Variants in RIMS2 observed in about 807,000 individuals in gnomAD.
The protein encoded by RIMS2 is regulating synaptic membrane exocytosis protein 2.
A neutral mutation model predicts 174.4 loss-of-function variants in RIMS2; 59 were observed. The observed-to-expected ratio is 0.34, with a 90% confidence interval of 0.27 to 0.42. The LOEUF (loss-of-function observed/expected upper bound fraction) is 0.42, where lower values mean the gene tolerates loss of function less well. RIMS2 is among the 10% of genes least tolerant of loss of function. The probability of loss-of-function intolerance (pLI) is 1.00; values close to 1 mark genes in which losing one functional copy is unlikely to be tolerated. For synonymous variants in RIMS2, 606 were observed against 572.5 expected (o/e 1.06, Z -0.84); for missense variants, 1,620 against 1,666.3 (o/e 0.97, Z 0.48).
chr8:103,891,284 G>A lies in RIMS2; in HGVS notation c.1624+5061G>A, dbSNP rs556308343. Among the ~76,000 whole-genome samples the A allele has an allele frequency of 2.1e-4, 32 of 152,088 alleles. No individual in the cohort carries two copies. In the South Asian group the frequency reaches 5.0e-3, roughly 24 times the overall value. ...TGTAAAATATATATTTCTTTCTGTAGATTATGGCCAAAAATGTTTTAAAGT... is the reference window on the plus strand; with the variant it reads ...TGTAAAATATATATTTCTTTCTGTAAATTATGGCCAAAAATGTTTTAAAGT... On this transcript the variant is annotated intron_variant, in intron 4 of 23. Coordinates refer to ENST00000504942, the Ensembl canonical transcript of RIMS2.
chr8:103,906,348 G>C (rs540535097), intron 4 of RIMS2, among the ~76,000 whole-genome samples: 1 of 152,082 alleles, frequency 6.6e-6, no homozygotes, highest in Non-Finnish European at 1.5e-5. Context: ...GGGTTCAAAT[G>C]ATTCTCTTGC....
chr8:104,076,604 C>T (rs2097297230), intron 19 of RIMS2, among the ~76,000 whole-genome samples: 1 of 152,052 alleles, frequency 6.6e-6, no homozygotes, highest in South Asian at 2.1e-4. Flanking sequence ...GTTTGATAAT[C>T]ACTCTTCAAT....
chr8:104,054,417 C>G (rs531154494), intron 19 of RIMS2, among the ~76,000 whole-genome samples: 1 of 152,080 alleles, frequency 6.6e-6, no homozygotes, highest in Non-Finnish European at 1.5e-5. Flanking sequence ...ATCCATATAT[C>G]TAAATATTTC....
intron 2 of RIMS2, among the ~76,000 whole-genome samples, chr8:103,708,357 C>T (rs2097259618): frequency 6.6e-6 from 1 of 152,172 alleles, no homozygotes; most frequent in Non-Finnish European, 1.5e-5. Flanking sequence ...CCACTCTAAG[C>T]ATATATTCTT....
intron 1 of RIMS2, among the ~76,000 whole-genome samples, chr8:103,512,476 G>A (rs1169025912): frequency 6.6e-6 from 1 of 152,152 alleles, no homozygotes; most frequent in Non-Finnish European, 1.5e-5. Context: ...CTGGGACACA[G>A]GTTAGTGGAG....
At chr8:103,796,941 G>A (rs1385032035) in intron 3 of RIMS2, among the ~76,000 whole-genome samples, 1 of 152,096 alleles carries the variant, frequency 6.6e-6, no homozygotes, top group Non-Finnish European at 1.5e-5. Context: ...CAAGTGCTGT[G>A]GAGGAAGATA....
At chr8:103,772,445 A>G (rs6987298) in intron 3 of RIMS2, among the ~76,000 whole-genome samples, 17,271 of 152,088 alleles carry the variant, frequency 0.11, 1,319 homozygotes, top group African/African-American at 0.22. Flanking sequence ...GTACTTAGTT[A>G]TAAATCTAAC....
chr8:103,675,006 G>T (rs910986626), intron 1 of RIMS2, among the ~76,000 whole-genome samples: 27 of 152,136 alleles, frequency 1.8e-4, no homozygotes, highest in Admixed American at 3.3e-4. Flanking sequence ...CTACTGAAAA[G>T]ATTAAATGAT....
intron 17 of RIMS2, among the ~76,000 whole-genome samples, chr8:103,995,104 A>G (rs1397420914): frequency 6.6e-6 from 1 of 152,054 alleles, no homozygotes; most frequent in Non-Finnish European, 1.5e-5. Flanking sequence ...TTCCTTACAT[A>G]GGCTCATAAT....
intron 3 of RIMS2, among the ~76,000 whole-genome samples, chr8:103,851,119 A>G (rs1033427640): frequency 6.6e-6 from 1 of 151,966 alleles, no homozygotes; most frequent in Admixed American, 6.6e-5. Flanking sequence ...GAGAACAACT[A>G]TTAATATTTA....
chr8:104,009,376 C>G (rs2095686334), intron 17 of RIMS2, among the ~76,000 whole-genome samples: 2 of 151,922 alleles, frequency 1.3e-5, no homozygotes, highest in Non-Finnish European at 2.9e-5. Flanking sequence ...TCACTGCAGC[C>G]TCGACCTCCT....
At chr8:104,068,401 T>A (rs1484040821) in intron 19 of RIMS2, 111 bp from the exon 23 acceptor site, 1 of 538,064 alleles carries the variant, frequency 1.9e-6, no homozygotes, top group East Asian at 2.9e-5. Flanking sequence ...ACATGCTACA[T>A]TGAGTGAAAG....
intron 4 of RIMS2, among the ~76,000 whole-genome samples, chr8:103,894,905 A>G (rs10505052): frequency 0.14 from 21,123 of 151,474 alleles, 1,788 homozygotes; most frequent in Middle Eastern, 0.25. Context: ...TGCATTGTTC[A>G]TTTTCGATAA....
At chr8:103,647,462 TC>T (rs2096362274) in intron 1 of RIMS2, among the ~76,000 whole-genome samples, 1 of 152,168 alleles carries the variant, frequency 6.6e-6, no homozygotes, top group South Asian at 2.1e-4. Context: ...GGGGAGACCC[TC>T]CTTTTTAATT....
At chr8:103,601,442 G>C (rs1199537091) in intron 1 of RIMS2, among the ~76,000 whole-genome samples, 2 of 152,090 alleles carry the variant, frequency 1.3e-5, no homozygotes, top group African/African-American at 4.8e-5. Flanking sequence ...TCTTCTTACA[G>C]TTTTTATCTT....
At chr8:103,689,074 A>AT (rs1215659176) in intron 1 of RIMS2, among the ~76,000 whole-genome samples, 1 of 151,728 alleles carries the variant, frequency 6.6e-6, no homozygotes, top group African/African-American at 2.4e-5. Flanking sequence ...GTCTCAAGGT[A>AT]TTTTTTTAAC....
intron 1 of RIMS2, among the ~76,000 whole-genome samples, chr8:103,674,395 C>G (rs1453568120): frequency 3.9e-5 from 6 of 152,130 alleles, no homozygotes. Flanking sequence ...GCAAATCCAT[C>G]CAGTCTCAGA....
At chr8:103,932,369 A>G (rs1006876408) in intron 12 of RIMS2, among the ~76,000 whole-genome samples, 2 of 152,248 alleles carry the variant, frequency 1.3e-5, no homozygotes, top group African/African-American at 2.4e-5. Flanking sequence ...TAGACAATGA[A>G]CAAAGGCTTT....
chr8:103,949,124 C>CAAAAAAA (rs533642917), intron 14 of RIMS2, among the ~76,000 whole-genome samples: 9 of 44,050 alleles, frequency 2.0e-4, no homozygotes, highest in African/African-American at 5.1e-4. Context: ...GAGACTCTGT[C>CAAAAAAA]AAAAAAAAAA....
Sources: gnomAD v4.1 joint callset for allele counts (sites outside exome capture counted in the v4.1 genomes callset) on GRCh38, gnomAD v4.1.1 for gene constraint, MANE v1.5 for transcripts, NCBI Gene and HGNC (gene_info 2026-07-23, HGNC 2026-07-21) for gene names.